ENTPD7: variants seen among roughly 807,000 people sequenced by gnomAD.
The protein encoded by ENTPD7 is ectonucleoside triphosphate diphosphohydrolase 7, also known as NTPDase 7.
ENTPD7 carries 53 observed loss-of-function variants against 77.9 expected under a neutral mutation model. That is an observed-to-expected ratio of 0.68 (90% CI 0.55 to 0.85). The LOEUF is 0.85. Ranked by LOEUF, ENTPD7 falls within the 40% of genes least tolerant of loss-of-function variation. ENTPD7 has a pLI of 0.00. For synonymous variants in ENTPD7, 248 were observed against 274.9 expected (o/e 0.90, Z 0.97); for missense variants, 636 against 743.7 (o/e 0.86, Z 1.68).
Position 99,710,659 on chromosome 10 carries a change from T to A in ENTPD7, c.*5976T>A. 1 of 985,058 alleles carries A rather than the reference T, an allele frequency of 1.0e-6. No homozygotes were observed. Among genetic ancestry groups the A allele is most frequent in the Non-Finnish European group, 1.2e-6 (1 of 829,568 alleles). The allele number at this position is 985,058 out of a possible 1,614,324, so 61.0% of individuals were successfully genotyped here. On this transcript the variant is annotated 3_prime_UTR_variant, in exon 13 of 13. Transcript: ENST00000370489. ...ATTCTCCCTTATGCAGGGACATGGGTATATGTGTTACATATGCTGATATAT... is the reference window on the plus strand; with the variant it reads ...ATTCTCCCTTATGCAGGGACATGGGAATATGTGTTACATATGCTGATATAT...
At chr10:99,667,149 G>A (rs1382106068) in intron 3 of ENTPD7, among the ~76,000 whole-genome samples, 4 of 152,168 alleles carry the variant, frequency 2.6e-5, no homozygotes, top group Non-Finnish European at 5.9e-5. Flanking sequence ...CCACTGTGGC[G>A]ACCTCACCAA....
intron 12 of ENTPD7, among the ~76,000 whole-genome samples, chr10:99,704,089 G>C (rs895014194): frequency 6.6e-6 from 1 of 152,158 alleles, no homozygotes; most frequent in African/African-American, 2.4e-5. Flanking sequence ...GGATTCAGGG[G>C]ATACCCTATT....
intron 10 of ENTPD7, 114 bp downstream of exon 10, chr10:99,698,972 T>C (rs894480049): frequency 3.0e-6 from 3 of 984,728 alleles, no homozygotes; most frequent in Non-Finnish European, 4.4e-6. Flanking sequence ...ACTTGTTCTT[T>C]GCAGGAGCCC....
At chr10:99,687,175 A>G (rs1005124562) in intron 6 of ENTPD7, among the ~76,000 whole-genome samples, 5 of 150,392 alleles carry the variant, frequency 3.3e-5, no homozygotes, top group African/African-American at 1.2e-4. Context: ...TCAGCCTCCC[A>G]AAGTGCTAGG....
intron 3 of ENTPD7, among the ~76,000 whole-genome samples, chr10:99,675,411 T>C (rs923512402): frequency 1.3e-5 from 2 of 152,052 alleles, no homozygotes; most frequent in African/African-American, 2.4e-5. Context: ...TATTTTCCAA[T>C]AGATGATGTT....
At position 99,709,085 on chromosome 10, in the gene ENTPD7, T is replaced by C. The variant is rs940776896; in HGVS notation, c.*4402T>C. The C allele has an allele frequency of 1.0e-6, 1 of 981,630 alleles. No individual in the cohort carries two copies. The highest frequency in any genetic ancestry group is 1.7e-5 in the African/African-American group (1 of 57,282). The allele number at this position is 981,630 out of a possible 1,614,324, so 60.8% of individuals were successfully genotyped here. ...TTTTCGTACTTTTAAATTTTATACA[T>C]CTTTTTAAAACAATTTTATACAATT... is the stretch of plus-strand genomic sequence containing the variant. On this transcript the variant is annotated 3_prime_UTR_variant, in exon 13 of 13. Coordinates refer to ENST00000370489, the MANE Select transcript of ENTPD7 (RefSeq NM_020354.5).
intron 9 of ENTPD7, among the ~76,000 whole-genome samples, chr10:99,697,172 C>T (rs1054807443): frequency 6.6e-6 from 1 of 152,114 alleles, no homozygotes; most frequent in Admixed American, 6.5e-5. Flanking sequence ...TCTAGGAGTT[C>T]AAGGTGCTTT....
At chr10:99,694,790 GC>G (rs1387303391) in intron 8 of ENTPD7, among the ~76,000 whole-genome samples, 1 of 152,094 alleles carries the variant, frequency 6.6e-6, no homozygotes, top group African/African-American at 2.4e-5. Flanking sequence ...ACCCTCCTTG[GC>G]CTCCCAAAGT....
intron 8 of ENTPD7, among the ~76,000 whole-genome samples, chr10:99,692,270 T>C (rs1193968989): frequency 6.6e-6 from 1 of 152,256 alleles, no homozygotes; most frequent in Non-Finnish European, 1.5e-5. Context: ...GGTTATCCCA[T>C]GCATCATATG....
chr10:99,697,237 GT>G (rs1239939317), intron 9 of ENTPD7, among the ~76,000 whole-genome samples: 1 of 152,184 alleles, frequency 6.6e-6, no homozygotes, highest in East Asian at 1.9e-4. Flanking sequence ...CAAGTGGTGT[GT>G]TTGTATTCTG....
chr10:99,706,413 G>A lies in ENTPD7; in HGVS notation c.*1730G>A, dbSNP rs577455362. Among the ~76,000 whole-genome samples, 4 of 151,532 alleles carry A rather than the reference G, an allele frequency of 2.6e-5. No homozygotes were observed. The highest frequency in any genetic ancestry group is 4.8e-5 in the African/African-American group (2 of 41,258). On this transcript the variant is annotated 3_prime_UTR_variant, in exon 13 of 13. Coordinates refer to ENST00000370489, the MANE Select transcript of ENTPD7 (RefSeq NM_020354.5). ...CAGTTGTGCAACATCATGGCTCACC[G>A]CAGCCTCAACCTCCTGGGCTCAAAC...
rs74890688 is a variant in ENTPD7 at position 99,674,125 on chromosome 10, T to C, written c.192-5136T>C. Among the ~76,000 whole-genome samples, 15 of 152,260 alleles carry C rather than the reference T, an allele frequency of 9.9e-5. No individual in the cohort carries two copies. In the East Asian group the frequency reaches 1.4e-3, roughly 14 times the overall value. On this transcript the variant is annotated intron_variant, in intron 3 of 12. Coordinates refer to ENST00000370489, the MANE Select transcript of ENTPD7 (RefSeq NM_020354.5). The stretch of plus-strand genomic sequence containing the variant: ...AGGCTTTTTAAGAACTGAGAAGCCA[T>C]GTCCAAGGAGACAGGAGAGGGGAAG...
chr10:99,686,517 C>T (rs1223717319), intron 6 of ENTPD7, among the ~76,000 whole-genome samples: 1 of 152,028 alleles, frequency 6.6e-6, no homozygotes, highest in Non-Finnish European at 1.5e-5. Flanking sequence ...AAAAGATTTA[C>T]CTTTTAAAAT....
intron 12 of ENTPD7, among the ~76,000 whole-genome samples, chr10:99,703,870 C>T (rs1433167731): frequency 1.3e-5 from 2 of 151,984 alleles, no homozygotes; most frequent in Admixed American, 6.6e-5. Flanking sequence ...TACAGGTGCT[C>T]GCCACCATGC....
chr10:99,679,493 C>A, intron 4 of ENTPD7, 27 bp downstream of exon 4: 1 of 1,587,282 alleles, frequency 6.3e-7, no homozygotes, highest in South Asian at 1.2e-5. Context: ...ATTTTGTTGT[C>A]AGTCTCTTTT....
At chr10:99,703,787 T>G (rs1372106372) in intron 12 of ENTPD7, among the ~76,000 whole-genome samples, 1 of 152,154 alleles carries the variant, frequency 6.6e-6, no homozygotes, top group Non-Finnish European at 1.5e-5. Context: ...AGTGCCGTGT[T>G]CATAGCTCAC....
At chr10:99,662,222 CATTT>C (rs1208640847) in intron 3 of ENTPD7, among the ~76,000 whole-genome samples, 1 of 152,076 alleles carries the variant, frequency 6.6e-6, no homozygotes, top group East Asian at 1.9e-4. Context: ...ATGTGTTTTT[CATTT>C]GTCACATTTG....
rs191323354 is a variant in ENTPD7, at chr10:99,660,081, T to A, written c.8+117T>A. 16 of 1,484,302 alleles carry A rather than the reference T, an allele frequency of 1.1e-5. No homozygotes were observed. In the African/African-American group the frequency reaches 1.9e-4, roughly 18 times the overall value. The allele number at this position is 1,484,302 out of a possible 1,614,324, so 91.9% of individuals were successfully genotyped here. A position where few individuals can be genotyped will look rare whatever the true frequency, so the allele number is the denominator to read the frequency against. ...GCCCTGGAGCTGCACTTGGACTTTG[T>A]ATTCTGGTTAGTTGGATGCAGAGAC... On this transcript the variant is annotated intron_variant, in intron 2 of 12. Coordinates refer to ENST00000370489, the MANE Select transcript of ENTPD7 (RefSeq NM_020354.5).
chr10:99,687,368 C>T (rs1160480646), intron 6 of ENTPD7, among the ~76,000 whole-genome samples: 3 of 133,078 alleles, frequency 2.3e-5, no homozygotes, highest in Non-Finnish European at 3.1e-5. Flanking sequence ...CTGGTTCAAG[C>T]GACTCTCCTG....
Sources: allele counts gnomAD v4.1 joint callset (sites outside exome capture counted in the v4.1 genomes callset), GRCh38; gene constraint gnomAD v4.1.1; transcripts MANE v1.5; gene names NCBI Gene and HGNC (gene_info 2026-07-23, HGNC 2026-07-21).